The following ANK1 variants were observed in gnomAD, a reference collection of about 807,000 sequenced individuals.
ANK1 encodes ankyrin 1, also known as ankyrin-1.
A neutral mutation model predicts 210.4 loss-of-function variants in ANK1; 51 were observed. That is an observed-to-expected ratio of 0.24 (90% confidence interval 0.19 to 0.31). The LOEUF (loss-of-function observed/expected upper bound fraction) is 0.31, where lower values mean the gene tolerates loss of function less well. Among genes scored for constraint, ANK1 ranks in the 10% least tolerant of loss-of-function variants. The probability of loss-of-function intolerance (pLI) is 1.00; values close to 1 mark genes in which losing one functional copy is unlikely to be tolerated. For synonymous variants in ANK1, 967 were observed against 1,025.9 expected, an observed-to-expected ratio of 0.94 and a Z score of 1.10; for missense variants, 2,051 against 2,504.4, an observed-to-expected ratio of 0.82 and a Z score of 3.86.
At chr8:41,760,975 T>C (rs1186802835) in intron 1 of ANK1, among the ~76,000 whole-genome samples, 2 of 135,266 alleles carry the variant, frequency 1.5e-5, no homozygotes, top group Non-Finnish European at 3.5e-5. Context: ...CCCTGGAACC[T>C]GTGAAGGTGA....
intron 33 of ANK1, among the ~76,000 whole-genome samples, chr8:41,689,420 G>A (rs73617329): frequency 0.011 from 1,671 of 151,952 alleles, 20 homozygotes; most frequent in African/African-American, 0.037. Flanking sequence ...GAGCCTCTGC[G>A]CCCAGCCTGA....
At chr8:41,776,990 A>G (rs1280584429) in intron 1 of ANK1, among the ~76,000 whole-genome samples, 2 of 152,204 alleles carry the variant, frequency 1.3e-5, no homozygotes. Context: ...GAAGGGAACC[A>G]TTTTCTTTCT....
upstream of ANK1, among the ~76,000 whole-genome samples, chr8:41,798,035 T>TTTTTG (rs1296468597): frequency 8.6e-5 from 13 of 151,736 alleles, no homozygotes; most frequent in African/African-American, 2.4e-4. Flanking sequence ...CCTTTCCTGG[T>TTTTTG]TTTTGTTTTG....
In ANK1 at chr8:41,708,920, C is replaced by T. The variant is rs2304877; in HGVS notation, c.1856G>A (p.Arg619His). 80,458 of 1,614,060 alleles carry T rather than the reference C, an allele frequency of 0.05. 2,224 individuals are homozygous for T. The highest frequency in any genetic ancestry group is 0.06 in the Admixed American group (3,618 of 60,026). ...AAKQNQVEVA[R>H]SLLQYGGSAN... ...TGAGCCCCCATACTGCAGCAGACTA[C>T]GGGCCACCTCCACCTGGTTCTGCTT... is the stretch of plus-strand genomic sequence containing the variant. Residue 619 changes from arginine (R) to histidine (H), a missense_variant, in exon 17 of 43, where the codon CGT becomes CAT. Transcript: ENST00000289734.
intron 2 of ANK1, among the ~76,000 whole-genome samples, chr8:41,739,955 G>A (rs1225420340): frequency 6.6e-6 from 1 of 152,124 alleles, no homozygotes. Flanking sequence ...GAATGGGCAT[G>A]TTCTCTTTTG....
intron 1 of ANK1, among the ~76,000 whole-genome samples, chr8:41,845,821 C>G (rs1327283018): frequency 6.6e-6 from 1 of 152,140 alleles, no homozygotes; most frequent in Non-Finnish European, 1.5e-5. Context: ...CATAAACATA[C>G]CAAAACCGTT....
At chr8:41,729,733 C>G (rs1831630351) in intron 3 of ANK1, among the ~76,000 whole-genome samples, 1 of 152,234 alleles carries the variant, frequency 6.6e-6, no homozygotes, top group South Asian at 2.1e-4. Flanking sequence ...CAGACAGGAC[C>G]AGCAGCCTCC....
intron 1 of ANK1, among the ~76,000 whole-genome samples, chr8:41,839,648 G>A (rs1011507187): frequency 2.6e-5 from 4 of 152,126 alleles, no homozygotes; most frequent in Admixed American, 2.0e-4. Context: ...GACTTCATCC[G>A]CTTCACCAAT....
At chr8:41,679,719 C>T (rs1005329850) in intron 37 of ANK1, among the ~76,000 whole-genome samples, 4 of 150,736 alleles carry the variant, frequency 2.7e-5, no homozygotes, top group African/African-American at 4.9e-5. Context: ...CCCACCATCA[C>T]GCCAGGCTAA....
chr8:41,700,393 G>A (rs368838984), intron 22 of ANK1: 1 of 1,603,622 alleles, frequency 6.2e-7, no homozygotes, highest in Non-Finnish European at 8.5e-7. Flanking sequence ...ATGCACTCTA[G>A]TGAGAAAAGA....
At chr8:41,796,305 C>T (rs1563793121) in intron 1 of ANK1, among the ~76,000 whole-genome samples, 1 of 152,062 alleles carries the variant, frequency 6.6e-6, no homozygotes, top group Non-Finnish European at 1.5e-5. Flanking sequence ...TCGGCCATTC[C>T]TTATTCCTGC....
intron 1 of ANK1, among the ~76,000 whole-genome samples, chr8:41,847,216 CTAA>C (rs1810225396): frequency 6.6e-6 from 1 of 152,234 alleles, no homozygotes; most frequent in Non-Finnish European, 1.5e-5. Context: ...TCATATCAGT[CTAA>C]TGTGAACCAG....
chr8:41,661,607 G>A (rs1424060464), intron 41 of ANK1, 43 bp from the exon 42 acceptor site: 2 of 1,612,360 alleles, frequency 1.2e-6, no homozygotes, highest in East Asian at 4.5e-5. Context: ...AGATCGCAAA[G>A]ACGGGCAGAA....
chr8:41,696,906 C>T (rs1162972395), intron 24 of ANK1, 133 bp from the exon 25 acceptor site: 4 of 838,852 alleles, frequency 4.8e-6, no homozygotes, highest in Non-Finnish European at 7.8e-6. Context: ...TCCCACGGGA[C>T]CCCACCGCCC....
At position 41,704,366 on chromosome 8, in the gene ANK1, C is replaced by A; in HGVS notation, c.2196+8G>T. ...AGTGCAGGAGTCGGGGCTGGGGCAC[C>A]CCTGTACCTTGGTCTTGGCATTGAC... On this transcript the variant is annotated splice_region_variant and intron_variant, in intron 19 of 42. Coordinates refer to ENST00000289734, the MANE Select transcript of ANK1 (RefSeq NM_000037.4). The surrounding 1 kb of genome is among the most constrained non-coding windows in gnomAD (Gnocchi z 4.1). 6.2e-7 allele frequency: 1 copy of A among 1,613,478 alleles called. No homozygotes were observed. Among genetic ancestry groups the A allele is most frequent in the Non-Finnish European group, 8.5e-7 (1 of 1,179,482 alleles).
At position 41,831,653 on chromosome 8, in the gene ANK1, AAAG is replaced by A. The variant is rs3041255; in HGVS notation, c.126+64699_126+64701del. Among the ~76,000 whole-genome samples, 26 of 115,860 alleles carry A rather than the reference AAAG, an allele frequency of 2.2e-4. 1 individual carries two copies. The highest frequency in any genetic ancestry group is 3.4e-4 in the African/African-American group (8 of 23,400). 76.0% of individuals were successfully genotyped at this position (115,860 alleles called of 152,430 possible). A position where few individuals can be genotyped will look rare whatever the true frequency, so the allele number is the denominator to read the frequency against. On this transcript the variant is annotated intron_variant, in intron 1 of 42. Coordinates refer to the ANK1 transcript ENST00000265709. The stretch of plus-strand genomic sequence containing the variant: ...CAAAAGTCTGTCAAAAAAAAAAAAA[AAAG>A]AAGAAGAAAAAGAAAAAAGGAATGA...
In ANK1 at chr8:41,714,180, G is replaced by A. The variant is rs988065118; in HGVS notation, c.1776C>T (p.Gly592=). The change falls in exon 16 of 43, where the codon GGC becomes GGT. Residue 592 remains glycine (G), a synonymous_variant. Coordinates refer to ENST00000289734, the MANE Select transcript of ANK1 (RefSeq NM_000037.4). ...LDIVKLLLPR[G]GSPHSPAWNG... ...CCCAGGCAGGGCTGTGCGGGGAGCC[G>A]CCCCGGGGAAGCAGCAGCTTGACGA... 4.1e-6 allele frequency: 6 copies of A among 1,454,546 alleles called. No homozygotes were observed. Among genetic ancestry groups the A allele is most frequent in the Middle Eastern group, 2.0e-4 (1 of 5,122 alleles). The allele number at this position is 1,454,546 out of a possible 1,614,324, so 90.1% of individuals were successfully genotyped here.
chr8:41,661,930 C>A lies in ANK1; in HGVS notation c.5490G>T (p.Lys1830Asn), dbSNP rs750744290. The A allele has an allele frequency of 3.1e-6, 5 of 1,613,992 alleles. No individual in the cohort carries two copies. The highest frequency in any genetic ancestry group is 3.4e-6 in the Non-Finnish European group (4 of 1,180,024). ...TGGACAAGTCTATCTGTCGAACCACCTTGCGAATGATCTAGGAAAGGAAGG... is the reference window on the plus strand; with the variant it reads ...TGGACAAGTCTATCTGTCGAACCACATTGCGAATGATCTAGGAAAGGAAGG... ...GNIVTKKIIR[K>N]VVRQIDLSSA... Residue 1830 changes from lysine to asparagine, a missense_variant, in exon 41 of 43, where the codon AAG becomes AAT. Physicochemically the swap from Lys to Asn is moderately conservative, Grantham distance 94. Coordinates refer to ENST00000289734, the MANE Select transcript of ANK1 (RefSeq NM_000037.4).
chr8:41,881,297 G>A (rs943529212), intron 1 of ANK1, among the ~76,000 whole-genome samples: 6 of 152,168 alleles, frequency 3.9e-5, no homozygotes, highest in Admixed American at 2.0e-4. Flanking sequence ...AGCCACTTCC[G>A]AGAGGCAGAG....
Sources: allele counts gnomAD v4.1 joint callset (sites outside exome capture counted in the v4.1 genomes callset), GRCh38; gene constraint gnomAD v4.1.1; non-coding constraint Gnocchi (gnomAD v3.1); transcripts MANE v1.5; gene names NCBI Gene and HGNC (gene_info 2026-07-23, HGNC 2026-07-21).